The following RIC8B variants were observed in gnomAD, a reference collection of about 807,000 sequenced individuals.
RIC8B encodes RIC8 guanine nucleotide exchange factor B, also known as chaperone Ric-8B.
RIC8B carries 16 observed loss-of-function variants against 57.5 expected under a neutral mutation model. That is an observed-to-expected ratio of 0.28 (90% confidence interval 0.19 to 0.42). The LOEUF is 0.42. Among genes scored for constraint, RIC8B ranks in the 10% least tolerant of loss-of-function variants. The pLI is 1.00. For synonymous variants in RIC8B, 216 were observed against 250.8 expected, an observed-to-expected ratio of 0.86 and a Z score of 1.31; for missense variants, 481 against 677.0, an observed-to-expected ratio of 0.71 and a Z score of 3.21.
intron 7 of RIC8B, among the ~76,000 whole-genome samples, chr12:106,856,749 C>G (rs1263611101): frequency 6.6e-6 from 1 of 152,134 alleles, no homozygotes; most frequent in South Asian, 2.1e-4. Flanking sequence ...CTTTGGATCC[C>G]CAGTGCTTAA....
At chr12:106,862,417 CTA>C (rs1949979381) in intron 8 of RIC8B, among the ~76,000 whole-genome samples, 1 of 151,950 alleles carries the variant, frequency 6.6e-6, no homozygotes, top group African/African-American at 2.4e-5. Context: ...CAAATGATCT[CTA>C]TGGAAGTGGT....
At chr12:106,837,148 G>T (rs1295947405) in intron 4 of RIC8B, among the ~76,000 whole-genome samples, 1 of 152,204 alleles carries the variant, frequency 6.6e-6, no homozygotes, top group Non-Finnish European at 1.5e-5. Flanking sequence ...CGGATCACGA[G>T]GTCAGGAGTT....
chr12:106,780,481 C>T (rs1204113156), intron 1 of RIC8B, among the ~76,000 whole-genome samples: 1 of 152,136 alleles, frequency 6.6e-6, no homozygotes, highest in Non-Finnish European at 1.5e-5. Context: ...TAAATATAGC[C>T]TCTACATTTG....
intron 2 of RIC8B, among the ~76,000 whole-genome samples, chr12:106,805,486 GACCCTGTC>G: frequency 6.6e-6 from 1 of 152,038 alleles, no homozygotes; most frequent in Non-Finnish European, 1.5e-5. Flanking sequence ...GACAGAGTGA[GACCCTGTC>G]TCAAACAACA....
intron 8 of RIC8B, among the ~76,000 whole-genome samples, chr12:106,870,385 T>G (rs1950350303): frequency 6.6e-6 from 1 of 152,168 alleles, no homozygotes; most frequent in Non-Finnish European, 1.5e-5. Context: ...ATTTCCAGAT[T>G]GTAGCCTCTC....
intron 9 of RIC8B, chr12:106,871,509 C>T (rs1273109591): frequency 3.2e-5 from 4 of 123,606 alleles, no homozygotes; most frequent in Admixed American, 8.1e-5. Context: ...CCAAAAAACT[C>T]CCCTTCCCCT....
chr12:106,848,179 A>G (rs1949293793), intron 6 of RIC8B, among the ~76,000 whole-genome samples: 3 of 152,214 alleles, frequency 2.0e-5, no homozygotes, highest in African/African-American at 4.8e-5. Flanking sequence ...GTTTCTAGAA[A>G]AAGAGTTTCT....
chr12:106,809,464 A>G (rs1190549652), intron 2 of RIC8B, among the ~76,000 whole-genome samples: 1 of 150,548 alleles, frequency 6.6e-6, no homozygotes, highest in East Asian at 2.0e-4. Flanking sequence ...CGGAGGTTAC[A>G]GTGAGCCGAG....
chr12:106,823,614 A>G (rs1204827116), intron 3 of RIC8B, among the ~76,000 whole-genome samples: 1 of 152,214 alleles, frequency 6.6e-6, no homozygotes, highest in Non-Finnish European at 1.5e-5. Context: ...TTTTAAAACT[A>G]AGGGAAATAT....
intron 3 of RIC8B, among the ~76,000 whole-genome samples, chr12:106,819,364 AG>A (rs2045733926): frequency 2.6e-5 from 4 of 152,318 alleles, no homozygotes; most frequent in South Asian, 4.1e-4. Context: ...GGGGATAAAA[AG>A]GGTTCTTCAA....
At chr12:106,831,002 G>C (rs2046331664) in intron 4 of RIC8B, among the ~76,000 whole-genome samples, 2 of 152,134 alleles carry the variant, frequency 1.3e-5, no homozygotes, top group Admixed American at 1.3e-4. Context: ...AATGATACCT[G>C]TCCTGGCCTT....
intron 4 of RIC8B, among the ~76,000 whole-genome samples, chr12:106,836,738 C>T (rs1330197550): frequency 1.3e-5 from 2 of 152,190 alleles, no homozygotes; most frequent in African/African-American, 4.8e-5. Context: ...CCTTTTTAAC[C>T]TAAGTTAAGA....
intron 9 of RIC8B, chr12:106,873,077 C>G: frequency 1.0e-6 from 1 of 985,308 alleles, no homozygotes; most frequent in South Asian, 4.7e-5. Flanking sequence ...AATATACAAA[C>G]GTCAAGTCTG....
intron 2 of RIC8B, among the ~76,000 whole-genome samples, chr12:106,794,002 G>A (rs1216006): frequency 0.62 from 94,550 of 151,796 alleles, 31,218 homozygotes; most frequent in African/African-American, 0.86. Flanking sequence ...AAAGACTTCA[G>A]AGTAGCCATT....
chr12:106,796,618 GTCCCTGGATTTGCCAGT>G (rs2136213830), intron 2 of RIC8B, among the ~76,000 whole-genome samples: 1 of 152,286 alleles, frequency 6.6e-6, no homozygotes, highest in African/African-American at 2.4e-5. Context: ...AAATCTTCAT[GTCCCTGGATTTGCCAGT>G]GGATTCTTAG....
intron 2 of RIC8B, chr12:106,797,988 G>A: frequency 1.4e-6 from 1 of 705,086 alleles, no homozygotes; most frequent in South Asian, 1.5e-5. Context: ...CACCCGAAAT[G>A]TGAGATTTGA....
chr12:106,777,744 C>G (rs2136136683), intron 1 of RIC8B, among the ~76,000 whole-genome samples: 1 of 152,248 alleles, frequency 6.6e-6, no homozygotes, highest in East Asian at 1.9e-4. Flanking sequence ...GTTGCCTTAC[C>G]TGTAAAATAG....
intron 2 of RIC8B, among the ~76,000 whole-genome samples, chr12:106,793,473 A>G (rs536523422): frequency 3.1e-4 from 47 of 152,220 alleles, no homozygotes; most frequent in Non-Finnish European, 5.9e-4. Context: ...AGGTTAACCC[A>G]AAGGCCAGCT....
At chr12:106,797,882 A>T in intron 2 of RIC8B, 1 of 444,926 alleles carries the variant, frequency 2.2e-6, no homozygotes, top group Non-Finnish European at 4.0e-6. Context: ...GCCTGGCTCC[A>T]AGACCCGTGT....
Sources: gnomAD v4.1 joint callset for allele counts (sites outside exome capture counted in the v4.1 genomes callset) on GRCh38, gnomAD v4.1.1 for gene constraint, MANE v1.5 for transcripts, NCBI Gene and HGNC (gene_info 2026-07-23, HGNC 2026-07-21) for gene names.